Variants in AMOTL1 observed in about 807,000 individuals in gnomAD.
AMOTL1 encodes angiomotin-like protein 1.
Under a neutral mutation model 102.9 loss-of-function variants are expected in AMOTL1, and 45 were observed. The ratio of observed to expected loss-of-function variants is 0.44; its 90% CI spans 0.34 to 0.56. The LOEUF (loss-of-function observed/expected upper bound fraction) is 0.56. Ranked by LOEUF, AMOTL1 falls within the 20% of genes least tolerant of loss-of-function variation. The pLI, the probability that AMOTL1 is intolerant of heterozygous loss-of-function variation, is 0.01. For synonymous variants in AMOTL1, 481 were observed against 484.7 expected, an observed-to-expected ratio of 0.99 and a Z score of 0.10; for missense variants, 1,114 against 1,225.6, an observed-to-expected ratio of 0.91 and a Z score of 1.36.
chr11:94,864,913 C>A (rs1158783503), intron 10 of AMOTL1, 53 bp downstream of exon 10: 36 of 1,573,572 alleles, frequency 2.3e-5, no homozygotes, highest in Admixed American at 8.7e-5. Context: ...ACACTCCAGG[C>A]CTTCCAGAAC....
chr11:94,742,466 C>A (rs1950540312), intron 3 of AMOTL1, among the ~76,000 whole-genome samples: 1 of 152,194 alleles, frequency 6.6e-6, no homozygotes, highest in Non-Finnish European at 1.5e-5. Context: ...TGTTTGCCTT[C>A]ACAGAATGAT....
chr11:94,709,189 G>A (rs1347822566), intron 1 of AMOTL1, among the ~76,000 whole-genome samples: 1 of 152,048 alleles, frequency 6.6e-6, no homozygotes, highest in African/African-American at 2.4e-5. Flanking sequence ...CTTAAATATA[G>A]GCTAGCCTTA....
chr11:94,740,589 G>A (rs2135476020), intron 2 of AMOTL1, among the ~76,000 whole-genome samples: 1 of 151,358 alleles, frequency 6.6e-6, no homozygotes, highest in Admixed American at 6.6e-5. Context: ...GCCAGGCCCG[G>A]CAGACAGAGC....
rs199534531 is a variant in AMOTL1 at position 94,868,944 on chromosome 11, C to CAAA, written c.2489-244_2489-242dup. ...TTACTTGACAACTACTTCTCCACTC[C>CAAA]AAAAAAAAAAAACAAAAAAAACACA... is the stretch of plus-strand genomic sequence containing the variant. On this transcript the variant is annotated intron_variant, in intron 11 of 12. Transcript: ENST00000433060. 1.5e-3 allele frequency among the ~76,000 whole-genome samples: 193 copies of CAAA among 125,848 alleles called. 1 individual carries two copies. Among genetic ancestry groups the CAAA allele is most frequent in the African/African-American group, 5.2e-3 (182 of 35,080 alleles). 82.6% of individuals were successfully genotyped at this position (125,848 alleles called of 152,430 possible).
chr11:94,735,103 G>A (rs1170169232), intron 2 of AMOTL1, among the ~76,000 whole-genome samples: 1 of 152,164 alleles, frequency 6.6e-6, no homozygotes, highest in Non-Finnish European at 1.5e-5. Flanking sequence ...ACCCCTGGGG[G>A]CCCCTTGAGT....
chr11:94,722,085 G>A (rs1317881323), intron 1 of AMOTL1, among the ~76,000 whole-genome samples: 1 of 152,108 alleles, frequency 6.6e-6, no homozygotes, highest in Non-Finnish European at 1.5e-5. Context: ...CCACACCCAG[G>A]TGGTGTTGTT....
intron 3 of AMOTL1, among the ~76,000 whole-genome samples, chr11:94,744,647 A>T (rs1291891757): frequency 6.6e-6 from 1 of 152,140 alleles, no homozygotes; most frequent in African/African-American, 2.4e-5. Flanking sequence ...TCCTCAATGT[A>T]ATTTTTGTTA....
intron 6 of AMOTL1, among the ~76,000 whole-genome samples, chr11:94,847,015 G>A (rs1001124289): frequency 9.9e-5 from 15 of 152,146 alleles, no homozygotes; most frequent in African/African-American, 3.6e-4. Context: ...CCTATCAGTG[G>A]ACAAGCAGTT....
intron 4 of AMOTL1, among the ~76,000 whole-genome samples, chr11:94,829,577 G>T (rs1387271767): frequency 6.6e-6 from 1 of 152,114 alleles, no homozygotes; most frequent in East Asian, 1.9e-4. Context: ...TTCCTCCAGT[G>T]GATTTTATGT....
In AMOTL1 at chr11:94,830,754, G is replaced by C. The variant is rs1043972276; in HGVS notation, c.1558+560G>C. Reference sequence around the variant, plus strand: ...TTTGGCAGTCTCCAATATGCACAATGAGTTAACCTATAAATGTTACTTCAC... The same window carrying C: ...TTTGGCAGTCTCCAATATGCACAATCAGTTAACCTATAAATGTTACTTCAC... On this transcript the variant is annotated intron_variant, in intron 5 of 12. Transcript: ENST00000433060. Among the ~76,000 whole-genome samples, 9 of 152,272 alleles carry C rather than the reference G, an allele frequency of 5.9e-5. No homozygotes were observed. The East Asian group carries it at 1.7e-3, about 29-fold the overall frequency.
At chr11:94,858,375 A>G (rs1952708533) in intron 8 of AMOTL1, among the ~76,000 whole-genome samples, 1 of 152,200 alleles carries the variant, frequency 6.6e-6, no homozygotes, top group African/African-American at 2.4e-5. Context: ...AAAAAACTGA[A>G]TAAAAACAAA....
chr11:94,840,677 T>TACAC (rs1219610889), intron 6 of AMOTL1, among the ~76,000 whole-genome samples: 1 of 128,008 alleles, frequency 7.8e-6, no homozygotes, highest in African/African-American at 3.0e-5. Context: ...TATATATATA[T>TACAC]ATATACACAC....
chr11:94,841,942 A>T (rs1399556208), intron 6 of AMOTL1, among the ~76,000 whole-genome samples: 1 of 152,240 alleles, frequency 6.6e-6, no homozygotes. Context: ...CCTACCTGAG[A>T]TATTTTACTT....
chr11:94,776,655 G>C (rs1292910857), intron 1 of AMOTL1, among the ~76,000 whole-genome samples: 1 of 152,226 alleles, frequency 6.6e-6, no homozygotes, highest in Non-Finnish European at 1.5e-5. Context: ...ACATTCAGCT[G>C]CTGCTTCTCA....
Position 94,799,857 on chromosome 11 carries a change from G to T in AMOTL1, c.667G>T (p.Gly223Cys), listed in dbSNP as rs940017482. ...AVGHGYYMAG[G>C]TSQKSRTEGR... ...GGGCCATGGTTACTACATGGCAGGG[G>T]GCACCAGTCAGAAGTCCCGAACTGA... The change falls in exon 3 of 13, where the codon GGC becomes TGC. Residue 223 changes from glycine (G) to cysteine (C), a missense_variant. Coordinates refer to ENST00000433060, the MANE Select transcript of AMOTL1 (RefSeq NM_130847.3). The surrounding 1 kb of genome is among the most constrained non-coding windows in gnomAD (Gnocchi z 4.5). 6.3e-7 allele frequency: 1 copy of T among 1,591,432 alleles called. No individual in the cohort carries two copies. The highest frequency in any genetic ancestry group is 8.6e-7 in the Non-Finnish European group (1 of 1,168,466).
chr11:94,811,843 A>G (rs1243580374), intron 3 of AMOTL1, among the ~76,000 whole-genome samples: 2 of 152,190 alleles, frequency 1.3e-5, no homozygotes, highest in African/African-American at 2.4e-5. Context: ...CTTACCTAGG[A>G]GTGGGGCTCA....
upstream of AMOTL1, among the ~76,000 whole-genome samples, chr11:94,767,670 T>C (rs1177490320): frequency 2.0e-5 from 3 of 152,136 alleles, no homozygotes; most frequent in Non-Finnish European, 4.4e-5. Flanking sequence ...ACCAATATAA[T>C]GAGGTGGATG....
chr11:94,745,720 G>A (rs1190811971), intron 3 of AMOTL1, among the ~76,000 whole-genome samples: 1 of 152,164 alleles, frequency 6.6e-6, no homozygotes, highest in African/African-American at 2.4e-5. Flanking sequence ...TGTATTGAAT[G>A]TGCTTGGAAT....
intron 1 of AMOTL1, among the ~76,000 whole-genome samples, chr11:94,709,734 G>T (rs1949991038): frequency 6.6e-6 from 1 of 152,120 alleles, no homozygotes; most frequent in Non-Finnish European, 1.5e-5. Flanking sequence ...ACTCAGCTCA[G>T]CCCACTCAGC....
Sources: gnomAD v4.1 joint callset for allele counts (sites outside exome capture counted in the v4.1 genomes callset) on GRCh38, gnomAD v4.1.1 for gene constraint, Gnocchi (gnomAD v3.1) non-coding constraint, MANE v1.5 for transcripts, NCBI Gene and HGNC (gene_info 2026-07-23, HGNC 2026-07-21) for gene names.